Variants in GRID2 observed in about 807,000 individuals in gnomAD.
GRID2 encodes glutamate receptor ionotropic, delta-2.
A neutral mutation model predicts 114.8 loss-of-function variants in GRID2; 33 were observed. The ratio of observed to expected loss-of-function variants is 0.29; its 90% CI spans 0.22 to 0.38. The LOEUF (loss-of-function observed/expected upper bound fraction) is 0.38. GRID2 is among the 10% of genes least tolerant of loss of function. The pLI, the probability that GRID2 is intolerant of heterozygous loss-of-function variation, is 1.00. For missense variants in GRID2, 1,184 were observed against 1,257.7 expected (o/e 0.94, Z 0.89); for synonymous variants, 505 against 449.9 (o/e 1.12, Z -1.55).
chr4:93,398,120 T>C (rs930779312), intron 9 of GRID2, among the ~76,000 whole-genome samples: 1 of 139,730 alleles, frequency 7.2e-6, no homozygotes, highest in African/African-American at 3.0e-5. Flanking sequence ...AATACATACA[T>C]GTATGTGTGT....
intron 14 of GRID2, among the ~76,000 whole-genome samples, chr4:93,755,420 T>G (rs1732660437): frequency 6.6e-6 from 1 of 152,198 alleles, no homozygotes; most frequent in African/African-American, 2.4e-5. Context: ...TCACTGCTAC[T>G]TTGTATCACA....
chr4:93,076,584 A>T (rs1478887668), intron 2 of GRID2, among the ~76,000 whole-genome samples: 2 of 149,196 alleles, frequency 1.3e-5, no homozygotes, highest in African/African-American at 2.5e-5. Context: ...ACTGAGCCGC[A>T]GACCTTCTTC....
intron 2 of GRID2, among the ~76,000 whole-genome samples, chr4:93,044,273 CGTT>C (rs1560823231): frequency 2.0e-5 from 3 of 151,912 alleles, no homozygotes; most frequent in African/African-American, 7.2e-5. Flanking sequence ...AACTTAGAAA[CGTT>C]GTTATATCTT....
chr4:93,791,747 G>C (rs561783562), intron 1 of GRID2, among the ~76,000 whole-genome samples: 6 of 152,118 alleles, frequency 3.9e-5, no homozygotes, highest in Non-Finnish European at 5.9e-5. Flanking sequence ...TCCTCCTCTA[G>C]TACAGACTGA....
chr4:92,505,449 A>C (rs189930484), intron 1 of GRID2, among the ~76,000 whole-genome samples: 102 of 152,080 alleles, frequency 6.7e-4, no homozygotes, highest in African/African-American at 2.3e-3. Context: ...GCAAGTTAAC[A>C]TATATAAAAC....
At chr4:92,495,803 C>G (rs561805508) in intron 1 of GRID2, among the ~76,000 whole-genome samples, 34 of 151,830 alleles carry the variant, frequency 2.2e-4, no homozygotes, top group Middle Eastern at 3.4e-3. Context: ...ATCTGAGAAC[C>G]TCCTGATAGG....
chr4:92,616,462 C>T (rs1037773448), intron 2 of GRID2, among the ~76,000 whole-genome samples: 2 of 151,270 alleles, frequency 1.3e-5, no homozygotes, highest in Non-Finnish European at 3.0e-5. Context: ...GAATGGATGC[C>T]TTCAGGTTTC....
chr4:93,754,796 CT>C (rs935630001), intron 14 of GRID2, among the ~76,000 whole-genome samples: 1 of 152,144 alleles, frequency 6.6e-6, no homozygotes, highest in African/African-American at 2.4e-5. Context: ...ATTTGAGAAG[CT>C]GATTATGCAA....
Position 92,438,891 on chromosome 4 carries a change from T to C in GRID2, c.88+134147T>C, listed in dbSNP as rs570208335. 1.1e-4 allele frequency among the ~76,000 whole-genome samples: 17 copies of C among 152,338 alleles called. No individual in the cohort carries two copies. In the South Asian group the frequency reaches 1.4e-3, roughly 13 times the overall value. On this transcript the variant is annotated intron_variant, in intron 1 of 15. Transcript: ENST00000282020. ...ATCAACATTTGGTTTTCTAGATTAT[T>C]GCCAGCACTGTGAGATAGTTACAGT...
At chr4:93,095,284 C>T (rs562494130) in intron 3 of GRID2, among the ~76,000 whole-genome samples, 6 of 152,070 alleles carry the variant, frequency 3.9e-5, no homozygotes, top group East Asian at 1.9e-4. Context: ...TAGCCCTCCA[C>T]GCCCTGACAG....
chr4:93,474,275 A>G (rs1007787047), intron 11 of GRID2, among the ~76,000 whole-genome samples: 3 of 152,130 alleles, frequency 2.0e-5, no homozygotes, highest in African/African-American at 7.2e-5. Flanking sequence ...CTGAGGACAG[A>G]ATTATTCACC....
intron 2 of GRID2, among the ~76,000 whole-genome samples, chr4:92,639,658 C>G (rs1362046999): frequency 6.6e-6 from 1 of 151,368 alleles, no homozygotes; most frequent in Non-Finnish European, 1.5e-5. Flanking sequence ...TGAGGGGGGC[C>G]TGGATGATGA....
intron 14 of GRID2, among the ~76,000 whole-genome samples, chr4:93,682,092 C>G (rs1171390868): frequency 6.6e-6 from 1 of 151,672 alleles, no homozygotes; most frequent in Non-Finnish European, 1.5e-5. Context: ...AAGAAAATAA[C>G]AAACAACCCC....
At chr4:92,709,281 A>T (rs1382485521) in intron 2 of GRID2, among the ~76,000 whole-genome samples, 2 of 152,124 alleles carry the variant, frequency 1.3e-5, no homozygotes, top group Non-Finnish European at 2.9e-5. Context: ...GTAATTATTA[A>T]ATAAGTAGGT....
intron 1 of GRID2, among the ~76,000 whole-genome samples, chr4:92,530,054 T>G (rs1178586819): frequency 6.6e-6 from 1 of 151,816 alleles, no homozygotes; most frequent in East Asian, 1.9e-4. Flanking sequence ...AAGGGTTTTT[T>G]TTTTTTGAAT....
intron 2 of GRID2, among the ~76,000 whole-genome samples, chr4:93,058,517 C>CCAA (rs1727474093): frequency 6.6e-6 from 1 of 151,998 alleles, no homozygotes; most frequent in East Asian, 1.9e-4. Context: ...CCAAAGAAAT[C>CCAA]GTGGCTTTTT....
intron 11 of GRID2, among the ~76,000 whole-genome samples, chr4:93,484,669 G>A (rs1232252187): frequency 6.6e-6 from 1 of 151,858 alleles, no homozygotes; most frequent in East Asian, 1.9e-4. Flanking sequence ...CTCCACATTT[G>A]CCTTATTTGA....
chr4:92,566,626 A>G (rs1485734623), intron 1 of GRID2, among the ~76,000 whole-genome samples: 4 of 152,042 alleles, frequency 2.6e-5, no homozygotes, highest in Non-Finnish European at 5.9e-5. Context: ...ATGAGTGAAG[A>G]AATTATGCTA....
At chr4:93,506,044 A>G (rs370305249) in intron 12 of GRID2, among the ~76,000 whole-genome samples, 1 of 152,174 alleles carries the variant, frequency 6.6e-6, no homozygotes, top group South Asian at 2.1e-4. Flanking sequence ...TAGATTCTCT[A>G]AAATGGCCTG....
Sources: gnomAD v4.1 joint callset for allele counts (sites outside exome capture counted in the v4.1 genomes callset) on GRCh38, gnomAD v4.1.1 for gene constraint, MANE v1.5 for transcripts, NCBI Gene and HGNC (gene_info 2026-07-23, HGNC 2026-07-21) for gene names.